Variants in TTC8 observed in about 807,000 individuals in gnomAD.
TTC8 encodes the protein tetratricopeptide repeat protein 8.
TTC8 carries 47 observed loss-of-function variants against 72.5 expected under a neutral mutation model. The ratio of observed to expected loss-of-function variants is 0.65; its 90% CI spans 0.51 to 0.83. The LOEUF (loss-of-function observed/expected upper bound fraction) is 0.83, where lower values mean the gene tolerates loss of function less well. Among genes scored for constraint, TTC8 ranks in the 40% least tolerant of loss-of-function variants. The probability of loss-of-function intolerance (pLI) is 0.00; values close to 1 mark genes in which losing one functional copy is unlikely to be tolerated. For synonymous variants in TTC8, 199 were observed against 221.4 expected, an observed-to-expected ratio of 0.90 and a Z score of 0.90; for missense variants, 611 against 623.2, an observed-to-expected ratio of 0.98 and a Z score of 0.21.
chr14:88,841,030 T>C lies in TTC8; in HGVS notation c.330-7T>C. The C allele has an allele frequency of 6.2e-7, 1 of 1,614,086 alleles. No individual in the cohort carries two copies. Among genetic ancestry groups the C allele is most frequent in the Non-Finnish European group, 8.5e-7 (1 of 1,179,992 alleles). On this transcript the variant is annotated splice_region_variant and splice_polypyrimidine_tract_variant and intron_variant, in intron 4 of 14. Transcript: ENST00000380656. ...CTTTGTATTATAACAATTTATAATC[T>C]TCACAGGCCAATCACACAAGCTGGA...
chr14:88,849,153 G>C lies in TTC8; in HGVS notation c.625-3818G>C, dbSNP rs114230867. ...ATTAGTTTATTCTTTAAATAATAAT[G>C]ATTGGGTTGTATATATTGGTACTTT... On this transcript the variant is annotated intron_variant, in intron 7 of 14. Coordinates refer to ENST00000380656, the MANE Select transcript of TTC8 (RefSeq NM_144596.4). 4.6e-5 allele frequency among the ~76,000 whole-genome samples: 7 copies of C among 152,162 alleles called. No individual in the cohort carries two copies. In the East Asian group the frequency reaches 1.4e-3, roughly 29 times the overall value.
At chr14:88,872,140 A>G (rs1421617023) in intron 12 of TTC8, among the ~76,000 whole-genome samples, 190 bp from the exon 13 acceptor site, 1 of 152,192 alleles carries the variant, frequency 6.6e-6, no homozygotes, top group Admixed American at 6.5e-5. Flanking sequence ...GCAATTTAGA[A>G]GTTTCTGGGA....
intron 1 of TTC8, among the ~76,000 whole-genome samples, chr14:88,826,073 C>T (rs1200099909): frequency 2.6e-5 from 4 of 151,910 alleles, no homozygotes; most frequent in Admixed American, 1.3e-4. Context: ...CTGCAACCTC[C>T]GCCTCCCAGG....
Position 88,857,271 on chromosome 14 carries a change from G to A in TTC8, c.792G>A (p.Leu264=). The A allele has an allele frequency of 1.2e-6, 2 of 1,613,454 alleles. No individual in the cohort carries two copies. The highest frequency in any genetic ancestry group is 1.7e-6 in the Non-Finnish European group (2 of 1,179,578). The change falls in exon 9 of 15, where the codon TTG becomes TTA. Residue 264 remains leucine (L), a synonymous_variant. Transcript: ENST00000380656. ...QQEMVDTFLY[L]AKVYVSLDQP... is the part of the protein sequence containing the mutation. ...AAATGGTAGATACATTTCTGTACTT[G>A]GCAAAAGTAAGTAAATCTTAATTTG...
At chr14:88,833,546 A>G in intron 1 of TTC8, 147 bp from the exon 2 acceptor site, 1 of 670,436 alleles carries the variant, frequency 1.5e-6, no homozygotes, top group South Asian at 1.8e-5. Flanking sequence ...TCTTGAGAAC[A>G]CTTCTGTAGG....
intron 13 of TTC8, among the ~76,000 whole-genome samples, chr14:88,873,584 G>A (rs117488353): frequency 2.0e-5 from 3 of 152,088 alleles, no homozygotes; most frequent in African/African-American, 7.2e-5. Context: ...AATATTTGTG[G>A]AATGAATGGA....
intron 6 of TTC8, among the ~76,000 whole-genome samples, chr14:88,842,489 C>G (rs2094786321): frequency 1.3e-5 from 2 of 152,304 alleles, no homozygotes; most frequent in Non-Finnish European, 1.5e-5. Flanking sequence ...TAAAGCTATC[C>G]TTACTTCCCT....
At position 88,854,169 on chromosome 14, in the gene TTC8, T is replaced by C. The variant is rs1357285523; in HGVS notation, c.710+1113T>C. On this transcript the variant is annotated intron_variant, in intron 8 of 14. Coordinates refer to ENST00000380656, the MANE Select transcript of TTC8 (RefSeq NM_144596.4). ...ATCATTAAACTCTTATGAATGTAAT[T>C]CCTGGAGACAGTCTTGAAATCTTGA... Among the ~76,000 whole-genome samples, 4 of 152,190 alleles carry C rather than the reference T, an allele frequency of 2.6e-5. No homozygotes were observed. The East Asian group carries it at 7.7e-4, about 29-fold the overall frequency.
At position 88,870,150 on chromosome 14, in the gene TTC8, G is replaced by A; in HGVS notation, c.1001G>A (p.Ser334Asn). 6.2e-7 allele frequency: 1 copy of A among 1,614,120 alleles called. No homozygotes were observed. Among genetic ancestry groups the A allele is most frequent in the Non-Finnish European group, 8.5e-7 (1 of 1,179,994 alleles). ...GTGGAAGCCATCGCATGCATTGGAA[G>A]CAACCACTTCTATTCTGATCAGCCA... is the stretch of plus-strand genomic sequence containing the variant. ...THVEAIACIGSNHFYSDQPEI... is the reference protein window; with the variant it reads ...THVEAIACIGNNHFYSDQPEI... The change falls in exon 11 of 15, where the codon AGC becomes AAC. Residue 334 changes from serine to asparagine, a missense_variant. Transcript: ENST00000380656.
At chr14:88,841,386 A>C in intron 5 of TTC8, 39 bp from the exon 6 acceptor site, 1 of 1,604,756 alleles carries the variant, frequency 6.2e-7, no homozygotes, top group Non-Finnish European at 8.5e-7. Flanking sequence ...TTTCAAGAGA[A>C]AGTTTCAGAT....
chr14:88,855,301 T>G (rs1010914954), intron 8 of TTC8, among the ~76,000 whole-genome samples: 3 of 152,220 alleles, frequency 2.0e-5, no homozygotes, highest in Non-Finnish European at 4.4e-5. Flanking sequence ...CTCCTTACCA[T>G]CACGAAATAA....
intron 14 of TTC8, among the ~76,000 whole-genome samples, chr14:88,875,441 C>G: frequency 6.6e-6 from 1 of 152,098 alleles, no homozygotes; most frequent in South Asian, 2.1e-4. Flanking sequence ...GCAACAAAAT[C>G]CTGTGCATTA....
At chr14:88,854,861 CTTT>C (rs1296668763) in intron 8 of TTC8, among the ~76,000 whole-genome samples, 1 of 151,928 alleles carries the variant, frequency 6.6e-6, no homozygotes, top group African/African-American at 2.4e-5. Flanking sequence ...TTAAAGCTTT[CTTT>C]TTTATAGAGA....
intron 2 of TTC8, chr14:88,834,092 A>T (rs999154073): frequency 6.9e-6 from 2 of 291,630 alleles, no homozygotes; most frequent in African/African-American, 4.4e-5. Flanking sequence ...GATGGATGGG[A>T]TGGCATGTCT....
At chr14:88,835,801 G>A (rs1317351346) in intron 2 of TTC8, among the ~76,000 whole-genome samples, 1 of 151,886 alleles carries the variant, frequency 6.6e-6, no homozygotes, top group East Asian at 1.9e-4. Flanking sequence ...ACAGGCAGAG[G>A]ATTTTAGGGA....
intron 8 of TTC8, 49 bp from the exon 9 acceptor site, chr14:88,857,141 G>A: frequency 6.7e-7 from 1 of 1,495,044 alleles, no homozygotes; most frequent in East Asian, 2.3e-5. Flanking sequence ...GTATGATGTA[G>A]TGTTTATTTT....
At chr14:88,869,284 A>G (rs11623964) in intron 10 of TTC8, among the ~76,000 whole-genome samples, 2,831 of 152,296 alleles carry the variant, frequency 0.019, 34 homozygotes, top group Middle Eastern at 0.037. Flanking sequence ...AGTATTTTAG[A>G]AAGAATATAT....
At chr14:88,853,091 G>A in intron 8 of TTC8, 35 bp downstream of exon 8, 1 of 1,530,870 alleles carries the variant, frequency 6.5e-7, no homozygotes, top group Non-Finnish European at 9.0e-7. Flanking sequence ...CTTAGAAGTG[G>A]CCACGTATTT....
At chr14:88,844,859 T>A (rs2094798747) in intron 7 of TTC8, among the ~76,000 whole-genome samples, 2 of 152,096 alleles carry the variant, frequency 1.3e-5, no homozygotes, top group South Asian at 4.1e-4. Flanking sequence ...TCCCCTTAAT[T>A]GTGTTTTCTA....
Sources: allele counts gnomAD v4.1 joint callset (sites outside exome capture counted in the v4.1 genomes callset), GRCh38; gene constraint gnomAD v4.1.1; transcripts MANE v1.5; gene names NCBI Gene and HGNC (gene_info 2026-07-23, HGNC 2026-07-21).